TENM2: variants seen among roughly 807,000 people sequenced by gnomAD.
TENM2 encodes the protein teneurin-2.
Under a neutral mutation model 245.2 loss-of-function variants are expected in TENM2, and 52 were observed. The observed-to-expected ratio is 0.21, with a 90% CI of 0.17 to 0.27. The LOEUF (loss-of-function observed/expected upper bound fraction) is 0.27. TENM2 is among the 10% of genes least tolerant of loss of function. The probability of loss-of-function intolerance (pLI) is 1.00; values close to 1 mark genes in which losing one functional copy is unlikely to be tolerated. For synonymous variants in TENM2, 1,363 were observed against 1,438.9 expected, an observed-to-expected ratio of 0.95 and a Z score of 1.19; for missense variants, 3,046 against 3,666.8, an observed-to-expected ratio of 0.83 and a Z score of 4.37.
the TENM2 span, among the ~76,000 whole-genome samples, chr5:167,249,827 T>C: frequency 3.2e-5 from 1 of 31,724 alleles, no homozygotes; most frequent in Admixed American, 5.4e-4. Flanking sequence ...TAAATGTGTT[T>C]CTCTATGATA....
intron 1 of TENM2, among the ~76,000 whole-genome samples, chr5:167,368,892 G>A (rs1760227975): frequency 6.6e-6 from 1 of 152,076 alleles, no homozygotes; most frequent in African/African-American, 2.4e-5. Flanking sequence ...GATCATGGTG[G>A]TGAAATTATA....
At chr5:167,059,838 G>A in the TENM2 span, among the ~76,000 whole-genome samples, 1 of 151,656 alleles carries the variant, frequency 6.6e-6, no homozygotes, top group Non-Finnish European at 1.5e-5. Context: ...CAAGTAGCTG[G>A]GATTACAGGT....
chr5:168,022,793 T>G (rs1258084678), intron 5 of TENM2, among the ~76,000 whole-genome samples: 1 of 152,190 alleles, frequency 6.6e-6, no homozygotes, highest in Non-Finnish European at 1.5e-5. Flanking sequence ...AGAACAACTT[T>G]AGAATCGTTC....
At chr5:167,431,146 AT>A (rs1471463995) in intron 2 of TENM2, among the ~76,000 whole-genome samples, 8 of 152,160 alleles carry the variant, frequency 5.3e-5, no homozygotes, top group African/African-American at 1.9e-4. Flanking sequence ...TTACTATGAA[AT>A]TTTCATAGTG....
intron 2 of TENM2, among the ~76,000 whole-genome samples, chr5:167,669,140 G>C (rs769655271): frequency 5.3e-5 from 8 of 152,122 alleles, no homozygotes; most frequent in Non-Finnish European, 1.0e-4. Flanking sequence ...TATGACTTTG[G>C]TGGGCTCACG....
chr5:167,350,966 TGGGGTATATAC>T (rs1225420527), intron 1 of TENM2, among the ~76,000 whole-genome samples: 4 of 82,666 alleles, frequency 4.8e-5, no homozygotes, highest in Non-Finnish European at 7.9e-5. Context: ...GATATATATA[TGGGGTATATAC>T]ATATGGATAT....
At chr5:167,062,839 T>A in the TENM2 span, among the ~76,000 whole-genome samples, 1 of 152,164 alleles carries the variant, frequency 6.6e-6, no homozygotes, top group Non-Finnish European at 1.5e-5. Context: ...GAGAAAATAG[T>A]TTAAATCCAA....
chr5:167,674,100 A>G (rs1756146479), intron 2 of TENM2, among the ~76,000 whole-genome samples: 1 of 152,134 alleles, frequency 6.6e-6, no homozygotes, highest in South Asian at 2.1e-4. Flanking sequence ...TCTCCATTAC[A>G]TTCTCTTTAA....
In TENM2 at chr5:168,126,737, C is replaced by G. The variant is rs747943447; in HGVS notation, c.2210-17C>G. On this transcript the variant is annotated splice_polypyrimidine_tract_variant and intron_variant, in intron 11 of 28. Coordinates refer to ENST00000518659, the Ensembl canonical transcript of TENM2. ...ACCAGCTGTGGTGTTGAGCTGTAAT[C>G]ATTGTTTTTCTTCCAGAAGTGTGCT... The G allele has an allele frequency of 6.3e-7, 1 of 1,594,230 alleles. No homozygotes were observed. The highest frequency in any genetic ancestry group is 8.6e-7 in the Non-Finnish European group (1 of 1,168,128).
chr5:167,541,862 A>G (rs2127605524), intron 2 of TENM2, among the ~76,000 whole-genome samples: 1 of 152,342 alleles, frequency 6.6e-6, no homozygotes, highest in South Asian at 2.1e-4. Context: ...CAATCATAGA[A>G]AGCATATAAT....
chr5:167,544,401 A>G (rs899601912), intron 2 of TENM2, among the ~76,000 whole-genome samples: 2 of 152,196 alleles, frequency 1.3e-5, no homozygotes, highest in African/African-American at 4.8e-5. Flanking sequence ...ATTTAGCATA[A>G]TAATACCAGG....
At chr5:167,479,643 G>A (rs2127526523) in intron 2 of TENM2, among the ~76,000 whole-genome samples, 1 of 152,106 alleles carries the variant, frequency 6.6e-6, no homozygotes, top group South Asian at 2.1e-4. Flanking sequence ...TGAACATAAA[G>A]TTTTCATTTT....
At chr5:167,591,007 T>G (rs1775842157) in intron 2 of TENM2, among the ~76,000 whole-genome samples, 1 of 152,206 alleles carries the variant, frequency 6.6e-6, no homozygotes, top group Non-Finnish European at 1.5e-5. Flanking sequence ...CTGCACAAAG[T>G]ACAATGCTGA....
chr5:167,507,294 G>A (rs543005905), intron 2 of TENM2, among the ~76,000 whole-genome samples: 20 of 152,120 alleles, frequency 1.3e-4, no homozygotes, highest in East Asian at 3.8e-4. Flanking sequence ...CTCATTAGCC[G>A]TGGGTTAGAA....
At chr5:167,747,692 G>A (rs1251429462) in intron 2 of TENM2, among the ~76,000 whole-genome samples, 2 of 152,116 alleles carry the variant, frequency 1.3e-5, no homozygotes, top group Non-Finnish European at 2.9e-5. Context: ...GACTGAATTT[G>A]CTTTTTCTGT....
chr5:167,709,981 A>G (rs1231804174), intron 2 of TENM2, among the ~76,000 whole-genome samples: 2 of 152,190 alleles, frequency 1.3e-5, no homozygotes, highest in Admixed American at 6.5e-5. Flanking sequence ...TGGGATCTCG[A>G]ACTTCTGGAT....
intron 9 of TENM2, among the ~76,000 whole-genome samples, chr5:168,101,401 C>T (rs1793803675): frequency 6.6e-6 from 1 of 152,170 alleles, no homozygotes; most frequent in African/African-American, 2.4e-5. Flanking sequence ...AGTGACTGGC[C>T]TTTTAAACCT....
At chr5:167,123,303 G>A in the TENM2 span, among the ~76,000 whole-genome samples, 2 of 152,180 alleles carry the variant, frequency 1.3e-5, no homozygotes, top group African/African-American at 4.8e-5. Context: ...CTGGGGCTTA[G>A]AGCAATAGAG....
At chr5:167,658,509 AT>A (rs1330397855) in intron 2 of TENM2, among the ~76,000 whole-genome samples, 1 of 152,076 alleles carries the variant, frequency 6.6e-6, no homozygotes, top group Non-Finnish European at 1.5e-5. Flanking sequence ...AATCCCATTC[AT>A]GGCAGTTCTG....
Sources: gnomAD v4.1 joint callset for allele counts (sites outside exome capture counted in the v4.1 genomes callset) on GRCh38, gnomAD v4.1.1 for gene constraint, MANE v1.5 for transcripts, NCBI Gene and HGNC (gene_info 2026-07-23, HGNC 2026-07-21) for gene names.